The following WDR33 variants were observed in gnomAD, a reference collection of about 807,000 sequenced individuals.
The protein encoded by WDR33 is pre-mRNA 3' end processing protein WDR33.
In WDR33, 47 loss-of-function variants were observed where a neutral mutation model predicts 164.9. The ratio of observed to expected loss-of-function variants is 0.29; its 90% CI spans 0.23 to 0.36. The LOEUF is 0.36. Among genes scored for constraint, WDR33 ranks in the 10% least tolerant of loss-of-function variants. The probability of loss-of-function intolerance (pLI) is 1.00; values close to 1 mark genes in which losing one functional copy is unlikely to be tolerated. For synonymous variants in WDR33, 505 were observed against 589.0 expected (o/e 0.86, Z 2.06); for missense variants, 1,137 against 1,754.1 (o/e 0.65, Z 6.28).
intron 7 of WDR33, among the ~76,000 whole-genome samples, chr2:127,748,339 G>A (rs1322042410): frequency 6.6e-6 from 1 of 152,200 alleles, no homozygotes; most frequent in African/African-American, 2.4e-5. Context: ...ACTCCTAGTG[G>A]TCTTTAACTG....
At chr2:127,711,616 C>G (rs1686164572) in intron 18 of WDR33, among the ~76,000 whole-genome samples, 1 of 149,440 alleles carries the variant, frequency 6.7e-6, no homozygotes, top group African/African-American at 2.5e-5. Flanking sequence ...TATTTTTAAC[C>G]TCCCTATCTC....
Position 127,735,146 on chromosome 2 carries a change from C to T in WDR33, c.725-8369G>A, listed in dbSNP as rs1460592940. On this transcript the variant is annotated intron_variant, in intron 7 of 21. Transcript: ENST00000322313. The surrounding 1 kb of genome is among the most constrained non-coding windows in gnomAD (Gnocchi z 4.3). ...AGTGTAGTGCAGTGAAGGCTAGAAC[C>T]AGTAAGGGCAGAAGGTCTGCTTTTT... Among the ~76,000 whole-genome samples, 3 of 152,262 alleles carry T rather than the reference C, an allele frequency of 2.0e-5. No homozygotes were observed. The highest frequency in any genetic ancestry group is 2.9e-5 in the Non-Finnish European group (2 of 68,006).
rs770592405 is a variant in WDR33 at position 127,717,124 on chromosome 2, T to C, written c.2869+31A>G. 1 of 1,553,304 alleles carries C rather than the reference T, an allele frequency of 6.4e-7. No homozygotes were observed. The highest frequency in any genetic ancestry group is 8.8e-7 in the Non-Finnish European group (1 of 1,141,934). On this transcript the variant is annotated intron_variant, in intron 17 of 21. Coordinates refer to ENST00000322313, the MANE Select transcript of WDR33 (RefSeq NM_018383.5). The surrounding 1 kb of genome is among the most constrained non-coding windows in gnomAD (Gnocchi z 5.6). ...AAATGTGCACAAAGGTGGTAGAATATAATCTTTTATTCAGCTGAGCAGATA... is the reference window on the plus strand; with the variant it reads ...AAATGTGCACAAAGGTGGTAGAATACAATCTTTTATTCAGCTGAGCAGATA...
At chr2:127,780,250 A>G (rs1184928182) in intron 1 of WDR33, among the ~76,000 whole-genome samples, 1 of 152,134 alleles carries the variant, frequency 6.6e-6, no homozygotes, top group African/African-American at 2.4e-5. Flanking sequence ...AAAAATAATA[A>G]AAAGTTTTAA....
In WDR33 at chr2:127,722,411, C is replaced by T. The variant is rs191175634; in HGVS notation, c.1518+180G>A. Among the ~76,000 whole-genome samples the T allele has an allele frequency of 5.7e-4, 87 of 152,326 alleles. No homozygotes were observed. Among genetic ancestry groups the T allele is most frequent in the African/African-American group, 2.0e-3 (84 of 41,564 alleles). On this transcript the variant is annotated intron_variant, in intron 14 of 21. Coordinates refer to ENST00000322313, the MANE Select transcript of WDR33 (RefSeq NM_018383.5). The surrounding 1 kb of genome is among the most constrained non-coding windows in gnomAD (Gnocchi z 5.1). Reference sequence around the variant, plus strand: ...GCAGGTGAGGACAGAACAGAGAAGACTGATAACAAACTCAATACAACTGCA... The same window carrying T: ...GCAGGTGAGGACAGAACAGAGAAGATTGATAACAAACTCAATACAACTGCA...
chr2:127,808,821 G>A (rs1185946655), intron 1 of WDR33, among the ~76,000 whole-genome samples: 1 of 152,134 alleles, frequency 6.6e-6, no homozygotes, highest in African/African-American at 2.4e-5. Flanking sequence ...ACGAGGTCAG[G>A]AGATCGAGAC....
intron 7 of WDR33, chr2:127,737,761 G>C (rs1478317729): frequency 8.1e-7 from 1 of 1,231,240 alleles, no homozygotes; most frequent in Non-Finnish European, 1.0e-6. Flanking sequence ...CCTTTTGAAA[G>C]CAAGGTAGAG....
In WDR33 at chr2:127,724,793, G is replaced by T. The variant is rs1039305379; in HGVS notation, c.1085+94C>A. On this transcript the variant is annotated intron_variant, in intron 10 of 21. Coordinates refer to ENST00000322313, the MANE Select transcript of WDR33 (RefSeq NM_018383.5). The surrounding 1 kb of genome is among the most constrained non-coding windows in gnomAD (Gnocchi z 4.8). ...AAGCAGTCTCTGATATAGGATATAT[G>T]AACACTTAGAAAAGCTACAAAACTA... 2.9e-6 allele frequency: 4 copies of T among 1,373,424 alleles called. No individual in the cohort carries two copies. The highest frequency in any genetic ancestry group is 1.7e-5 in the Admixed American group (1 of 58,674). 85.1% of individuals were successfully genotyped at this position (1,373,424 alleles called of 1,614,324 possible).
At chr2:127,776,654 C>T (rs1353965535) in intron 1 of WDR33, among the ~76,000 whole-genome samples, 2 of 152,136 alleles carry the variant, frequency 1.3e-5, no homozygotes, top group Non-Finnish European at 2.9e-5. Flanking sequence ...ACCAATGTTG[C>T]ACCACTGCAC....
At chr2:127,753,628 T>C (rs1415963498) in intron 7 of WDR33, among the ~76,000 whole-genome samples, 2 of 152,208 alleles carry the variant, frequency 1.3e-5, no homozygotes, top group East Asian at 3.8e-4. Flanking sequence ...TCATATGCAA[T>C]AGTGTCTCTT....
chr2:127,754,139 A>G (rs981976367), intron 7 of WDR33, among the ~76,000 whole-genome samples: 9 of 152,212 alleles, frequency 5.9e-5, no homozygotes, highest in African/African-American at 2.2e-4. Context: ...TCCATTCACT[A>G]CTTCAAACAA....
Position 127,722,139 on chromosome 2 carries a change from C to A in WDR33, c.1519-151G>T. 1.1e-6 allele frequency: 1 copy of A among 896,596 alleles called. No individual in the cohort carries two copies. The highest frequency in any genetic ancestry group is 1.6e-6 in the Non-Finnish European group (1 of 606,608). The allele number at this position is 896,596 out of a possible 1,614,324, so 55.5% of individuals were successfully genotyped here. Reference sequence around the variant, plus strand: ...TTTTCTCCATGACTCAAGTACATGACTCATGCTAATTCTTACTGACATATT... The same window carrying A: ...TTTTCTCCATGACTCAAGTACATGAATCATGCTAATTCTTACTGACATATT... On this transcript the variant is annotated intron_variant, in intron 14 of 21. Coordinates refer to ENST00000322313, the MANE Select transcript of WDR33 (RefSeq NM_018383.5). This position sits in a 1 kb window ranked among gnomAD's most constrained non-coding sequence, Gnocchi z 5.1.
At chr2:127,747,949 C>G (rs190866205) in intron 7 of WDR33, among the ~76,000 whole-genome samples, 1 of 152,120 alleles carries the variant, frequency 6.6e-6, no homozygotes, top group Non-Finnish European at 1.5e-5. Context: ...TCTCACTGAA[C>G]GTCAATATCA....
rs746996987 is a variant in WDR33 at position 127,719,307 on chromosome 2, T to C, written c.2718A>G (p.Lys906=). Residue 906 remains lysine (K), a synonymous_variant, in exon 16 of 22, where the codon AAA becomes AAG. Transcript: ENST00000322313. The surrounding 1 kb of genome is among the most constrained non-coding windows in gnomAD (Gnocchi z 6.5). ...GGGGCCCATCACCTAGCAGAGGCGT[T>C]TTCTGTTGCTGGAATGGTATTGGCC... ...SQGPIPFQQQ[K]TPLLGDGPRA... 1 of 1,433,656 alleles carries C rather than the reference T, an allele frequency of 7.0e-7. No individual in the cohort carries two copies. The highest frequency in any genetic ancestry group is 2.6e-5 in the Admixed American group (1 of 38,870). The allele number at this position is 1,433,656 out of a possible 1,614,324, so 88.8% of individuals were successfully genotyped here. A position where few individuals can be genotyped will look rare whatever the true frequency, so the allele number is the denominator to read the frequency against.
chr2:127,765,083 A>T, intron 5 of WDR33, 91 bp downstream of exon 5: 3 of 1,558,238 alleles, frequency 1.9e-6, no homozygotes, highest in Non-Finnish European at 2.6e-6. Context: ...ATTCGTCCCA[A>T]TTCTAAGTTT....
chr2:127,788,171 G>A (rs1282665230), intron 1 of WDR33, among the ~76,000 whole-genome samples: 1 of 106,888 alleles, frequency 9.4e-6, no homozygotes, highest in African/African-American at 4.0e-5. Context: ...TCACCTCCCA[G>A]ACGGGGCGGC....
In WDR33 at chr2:127,716,196, C is replaced by G. The variant is rs1686296848; in HGVS notation, c.2869+959G>C. Among the ~76,000 whole-genome samples the G allele has an allele frequency of 6.6e-6, 1 of 152,134 alleles. No individual in the cohort carries two copies. The highest frequency in any genetic ancestry group is 2.1e-4 in the South Asian group (1 of 4,834). On this transcript the variant is annotated intron_variant, in intron 17 of 21. Coordinates refer to ENST00000322313, the MANE Select transcript of WDR33 (RefSeq NM_018383.5). This position sits in a 1 kb window ranked among gnomAD's most constrained non-coding sequence, Gnocchi z 4.5. ...CTTATCTCTTTCTTACCTCTAATAT[C>G]ACACATAAATTCAAGACTGAGCATA...
chr2:127,790,908 A>G (rs777921750), intron 1 of WDR33, among the ~76,000 whole-genome samples: 2 of 152,170 alleles, frequency 1.3e-5, no homozygotes, highest in Non-Finnish European at 2.9e-5. Flanking sequence ...GGAATTGTTC[A>G]CGATATTCCC....
Position 127,701,630 on chromosome 2 carries a change from G to T in WDR33, c.*4693C>A. The T allele has an allele frequency of 7.6e-7, 1 of 1,323,260 alleles. No homozygotes were observed. Among genetic ancestry groups the T allele is most frequent in the Non-Finnish European group, 9.6e-7 (1 of 1,040,276 alleles). The allele number at this position is 1,323,260 out of a possible 1,614,324, so 82.0% of individuals were successfully genotyped here. On this transcript the variant is annotated 3_prime_UTR_variant, in exon 22 of 22. Transcript: ENST00000322313. ...TGCTCGCCGCGGAGAAGGCGGAGGA[G>T]CCCGGGGACCGGCCGGCGGAGGAGT...
Sources: gnomAD v4.1 joint callset for allele counts (sites outside exome capture counted in the v4.1 genomes callset) on GRCh38, gnomAD v4.1.1 for gene constraint, Gnocchi (gnomAD v3.1) non-coding constraint, MANE v1.5 for transcripts, NCBI Gene and HGNC (gene_info 2026-07-23, HGNC 2026-07-21) for gene names.